Variants in DDN observed in about 807,000 individuals in gnomAD.
DDN encodes the protein dendrin.
Under a neutral mutation model 7.3 loss-of-function variants are expected in DDN, and 4 were observed. The ratio of observed to expected loss-of-function variants is 0.55; its 90% CI spans 0.27 to 1.25. The LOEUF (loss-of-function observed/expected upper bound fraction) is 1.25, where lower values mean the gene tolerates loss of function less well. DDN is among the 50% of genes most tolerant of loss of function. The pLI, the probability that DDN is intolerant of heterozygous loss-of-function variation, is 0.12. For synonymous variants in DDN, 425 were observed against 424.3 expected (o/e 1.00, Z -0.02); for missense variants, 933 against 974.7 (o/e 0.96, Z 0.57).
chr12:48,997,173 G>T lies in DDN; in HGVS notation c.1703C>A (p.Pro568Gln). 6.4e-7 allele frequency: 1 copy of T among 1,560,518 alleles called. No homozygotes were observed. Residue 568 changes from proline (P) to glutamine (Q), a missense_variant, in exon 2 of 2, where the codon CCA becomes CAA. Pro to Gln is a moderately conservative substitution (Grantham distance 76, BLOSUM62 -1). Transcript: ENST00000421952. ...LRDAPTQPGS[P>Q]EHQALGPAAS... The stretch of plus-strand genomic sequence containing the variant: ...TGCTGGGCCTAAGGCTTGGTGCTCT[G>T]GGCTACCTGGCTGCGTGGGGGCGTC...
In DDN at chr12:48,995,626, C is replaced by G. The variant is rs1488683877; in HGVS notation, c.*1114G>C. The G allele has an allele frequency of 6.6e-6, 1 of 152,268 alleles. No homozygotes were observed. The highest frequency in any genetic ancestry group is 1.9e-4 in the East Asian group (1 of 5,202). The allele number at this position is 152,268 out of a possible 1,614,324, so 9.4% of individuals were successfully genotyped here. On this transcript the variant is annotated 3_prime_UTR_variant, in exon 2 of 2. Coordinates refer to ENST00000421952, the MANE Select transcript of DDN (RefSeq NM_015086.2). ...TGGCTATAGAGAGTATCACACCCCA[C>G]GCCTGCTGGCTTCTGGTGACCGGCC...
Position 48,999,128 on chromosome 12 carries a change from G to A in DDN, c.160C>T (p.Pro54Ser). ...CAGTGGCTGGCCTGGAAGTCCATGG[G>A]CTGTCGAGAAGGGGCGCGGCGACTA... ...HYSRRAPSRQ[P>S]MDFQASHWAR... is the part of the protein sequence containing the mutation. Residue 54 changes from proline (P) to serine (S), a missense_variant, in exon 1 of 2, where the codon CCC (proline) becomes TCC (serine). Coordinates refer to ENST00000421952, the MANE Select transcript of DDN (RefSeq NM_015086.2). The A allele has an allele frequency of 6.2e-7, 1 of 1,614,136 alleles. No homozygotes were observed. Among genetic ancestry groups the A allele is most frequent in the South Asian group, 1.1e-5 (1 of 91,088 alleles).
rs2137638345 is a variant in DDN at position 48,995,692 on chromosome 12, G to C, written c.*1048C>G. The C allele has an allele frequency of 1.3e-5, 2 of 152,468 alleles. No individual in the cohort carries two copies. Among genetic ancestry groups the C allele is most frequent in the South Asian group, 4.1e-4 (2 of 4,828 alleles). The allele number at this position is 152,468 out of a possible 1,614,324, so 9.4% of individuals were successfully genotyped here. A position where few individuals can be genotyped will look rare whatever the true frequency, so the allele number is the denominator to read the frequency against. On this transcript the variant is annotated 3_prime_UTR_variant, in exon 2 of 2. Coordinates refer to ENST00000421952, the MANE Select transcript of DDN (RefSeq NM_015086.2). ...CCGGTTTCTGGAAGAGGCCAAGATG[G>C]GAGAAATTCTCAGGATTTTTTCAGG... is the stretch of plus-strand genomic sequence containing the variant.
Position 48,999,333 on chromosome 12 carries a change from G to T in DDN, c.-46C>A. The T allele has an allele frequency of 8.7e-7, 1 of 1,145,004 alleles. No individual in the cohort carries two copies. 70.9% of individuals were successfully genotyped at this position (1,145,004 alleles called of 1,614,324 possible). On this transcript the variant is annotated 5_prime_UTR_variant, in exon 1 of 2. Transcript: ENST00000421952. ...CCCCCCACCCTCCCACCCGCCCCAG[G>T]AGCCCCCTCCCAGCCCAGGGAGCCG...
chr12:48,998,085 G>C lies in DDN; in HGVS notation c.791C>G (p.Thr264Arg). The change falls in exon 2 of 2, where the codon ACA becomes AGA. Residue 264 changes from threonine to arginine, a missense_variant. Coordinates refer to ENST00000421952, the MANE Select transcript of DDN (RefSeq NM_015086.2). ...SSAPAATPARTDGGRTKKRLD... is the reference protein window; with the variant it reads ...SSAPAATPARRDGGRTKKRLD... ...CCTCTTCTTTGTGCGCCCTCCGTCT[G>C]TCCTGGCTGGAGTCGCAGCTGGGGC... 6.2e-7 allele frequency: 1 copy of C among 1,614,014 alleles called. No homozygotes were observed. The highest frequency in any genetic ancestry group is 1.6e-4 in the Middle Eastern group (1 of 6,062).
rs142247356 is a variant in DDN at position 48,997,855 on chromosome 12, C to T, written c.1021G>A (p.Ala341Thr). ...CCCGCAGGAGCTATCTCGGTGCCTGCGCTCCCTGTAGCTTTGGCTTGGGGA... is the reference window on the plus strand; with the variant it reads ...CCCGCAGGAGCTATCTCGGTGCCTGTGCTCCCTGTAGCTTTGGCTTGGGGA... ...SHPQAKATGSAGTEIAPAGSA... is the reference protein window; with the variant it reads ...SHPQAKATGSTGTEIAPAGSA... Residue 341 changes from alanine to threonine, a missense_variant, in exon 2 of 2, where the codon GCA becomes ACA. By Grantham distance (58) the Ala-to-Thr change is moderately conservative. Coordinates refer to ENST00000421952, the MANE Select transcript of DDN (RefSeq NM_015086.2). 196 of 1,613,506 alleles carry T rather than the reference C, an allele frequency of 1.2e-4. No individual in the cohort carries two copies. The African/African-American group carries it at 2.5e-3, about 20-fold the overall frequency.
Position 48,996,410 on chromosome 12 carries a change from C to T in DDN, c.*330G>A, listed in dbSNP as rs1941204345. ...CAGAGGCCCTACCCTACCCTGCCCT[C>T]CTATGGCTGCCACCATCCCTGCCCT... is the stretch of plus-strand genomic sequence containing the variant. On this transcript the variant is annotated 3_prime_UTR_variant, in exon 2 of 2. Coordinates refer to ENST00000421952, the MANE Select transcript of DDN (RefSeq NM_015086.2). The T allele has an allele frequency of 7.6e-6, 2 of 262,018 alleles. No individual in the cohort carries two copies. Among genetic ancestry groups the T allele is most frequent in the Non-Finnish European group, 1.5e-5 (2 of 136,760 alleles). The allele number at this position is 262,018 out of a possible 1,614,324, so 16.2% of individuals were successfully genotyped here. A position where few individuals can be genotyped will look rare whatever the true frequency, so the allele number is the denominator to read the frequency against.
Position 48,998,251 on chromosome 12 carries a change from G to C in DDN, c.625C>G (p.Leu209Val). Residue 209 changes from leucine to valine, a missense_variant, in exon 2 of 2, where the codon CTG becomes GTG. Physicochemically the swap from Leu to Val is conservative, Grantham distance 32. Coordinates refer to ENST00000421952, the MANE Select transcript of DDN (RefSeq NM_015086.2). ...GGGGCGGTCCCGGCAGAACCTCTCA[G>C]CAGCAGGTGAGCCTCGTAGCTTGGG... Reference protein sequence around the residue: ...GPPSYEAHLLLRGSAGTAPRR... With the variant: ...GPPSYEAHLLVRGSAGTAPRR... 3 of 1,611,574 alleles carry C rather than the reference G, an allele frequency of 1.9e-6. No homozygotes were observed. Among genetic ancestry groups the C allele is most frequent in the Non-Finnish European group, 2.5e-6 (3 of 1,179,368 alleles).
chr12:48,996,734 G>A lies in DDN; in HGVS notation c.*6C>T, dbSNP rs373407933. On this transcript the variant is annotated 3_prime_UTR_variant, in exon 2 of 2. Coordinates refer to ENST00000421952, the MANE Select transcript of DDN (RefSeq NM_015086.2). ...CGTTGGGGACACAAATACAAGAAGG[G>A]GCCTCTCACTGCCTCTTCCTATTTC... 20 of 1,609,958 alleles carry A rather than the reference G, an allele frequency of 1.2e-5. No individual in the cohort carries two copies. In the African/African-American group the frequency reaches 2.7e-4, roughly 22 times the overall value.
chr12:48,997,999 G>A lies in DDN; in HGVS notation c.877C>T (p.Leu293Phe). The A allele has an allele frequency of 1.2e-6, 2 of 1,613,496 alleles. No homozygotes were observed. The change falls in exon 2 of 2, where the codon CTC (leucine) becomes TTC (phenylalanine). Residue 293 changes from leucine to phenylalanine, a missense_variant. Coordinates refer to ENST00000421952, the MANE Select transcript of DDN (RefSeq NM_015086.2). The part of the protein sequence containing the change: ...GAWGLRQGQG[L>F]LGGSPGCGAA... Reference sequence around the variant, plus strand: ...CCACAGCCTGGGGATCCCCCCAAGAGACCTTGCCCCTGTCGGAGACCCCAA... The same window carrying A: ...CCACAGCCTGGGGATCCCCCCAAGAAACCTTGCCCCTGTCGGAGACCCCAA...
Position 48,997,541 on chromosome 12 carries a change from G to T in DDN, c.1335C>A (p.Gly445=). Residue 445 remains glycine (G), a synonymous_variant, in exon 2 of 2, where the codon GGC becomes GGA. Transcript: ENST00000421952. ...RAHTLPRSSQ[G]LSRGEGVFVI... ...CAAAGACGCCTTCCCCACGGGACAG[G>T]CCCTGGGAACTGCGGGGCAAGGTGT... The T allele has an allele frequency of 6.2e-7, 1 of 1,605,092 alleles. No individual in the cohort carries two copies. The highest frequency in any genetic ancestry group is 8.5e-7 in the Non-Finnish European group (1 of 1,173,760).
In DDN at chr12:48,998,314, C is replaced by T; in HGVS notation, c.562G>A (p.Ala188Thr). The T allele has an allele frequency of 6.3e-7, 1 of 1,576,704 alleles. No homozygotes were observed. The change falls in exon 2 of 2, where the codon GCG (alanine) becomes ACG (threonine). Residue 188 changes from alanine (A) to threonine (T), a missense_variant. By Grantham distance (58) the Ala-to-Thr change is moderately conservative (BLOSUM62 0). Coordinates refer to ENST00000421952, the MANE Select transcript of DDN (RefSeq NM_015086.2). Reference protein sequence around the residue: ...SAQPQSDPGSAWAGPWGGRRP... With the variant: ...SAQPQSDPGSTWAGPWGGRRP... ...CGACCTCCCCAGGGCCCCGCCCACG[C>T]CGACCCTGGGTCGCTCTGCGGCTGC...
rs765299359 is a variant in DDN at position 48,997,427 on chromosome 12, T to A, written c.1449A>T (p.Thr483=). The change falls in exon 2 of 2, where the codon ACA becomes ACT. Residue 483 remains threonine (T), a synonymous_variant. Transcript: ENST00000421952. The part of the protein sequence containing the change: ...QQVQLLPSGV[T]RVVGDSPSQS... Reference sequence around the variant, plus strand: ...GGCTGGGGGAATCCCCCACCACGCGTGTCACCCCAGAGGGCAAAAGCTGCA... The same window carrying A: ...GGCTGGGGGAATCCCCCACCACGCGAGTCACCCCAGAGGGCAAAAGCTGCA... 1.2e-6 allele frequency: 2 copies of A among 1,613,922 alleles called. No homozygotes were observed. Among genetic ancestry groups the A allele is most frequent in the Non-Finnish European group, 1.7e-6 (2 of 1,179,978 alleles).
chr12:48,998,122 G>A lies in DDN; in HGVS notation c.754C>T (p.Pro252Ser). Residue 252 changes from proline to serine, a missense_variant, in exon 2 of 2, where the codon CCC (proline) becomes TCC (serine). Coordinates refer to ENST00000421952, the MANE Select transcript of DDN (RefSeq NM_015086.2). ...GTCGCAGCTGGGGCTGATGAAGTGG[G>A]CACCTGAGAGTTCCCGGGGCCTCTC... is the stretch of plus-strand genomic sequence containing the variant. ...TKRGPGNSQV[P>S]TSSAPAATPA... 1 of 1,613,786 alleles carries A rather than the reference G, an allele frequency of 6.2e-7. No homozygotes were observed. The highest frequency in any genetic ancestry group is 8.5e-7 in the Non-Finnish European group (1 of 1,180,034).
In DDN at chr12:48,998,551, C is replaced by T. The variant is rs760587728; in HGVS notation, c.325G>A (p.Glu109Lys). Residue 109 changes from glutamate to lysine, a missense_variant, in exon 2 of 2, where the codon GAG (glutamate) becomes AAG (lysine). Transcript: ENST00000421952. Reference sequence around the variant, plus strand: ...GACGCCGCTTTCCTTTTCTCTTGCTCCCGAGCTCGGACCTCGGCCAGGGGC... The same window carrying T: ...GACGCCGCTTTCCTTTTCTCTTGCTTCCGAGCTCGGACCTCGGCCAGGGGC... ...AGPLAEVRAR[E>K]QEKRKAASQE... The T allele has an allele frequency of 1.3e-6, 2 of 1,594,112 alleles. No individual in the cohort carries two copies. The highest frequency in any genetic ancestry group is 2.2e-5 in the South Asian group (2 of 90,360).
In DDN at chr12:48,998,055, T is replaced by A; in HGVS notation, c.821A>T (p.Asp274Val). 1 of 1,613,860 alleles carries A rather than the reference T, an allele frequency of 6.2e-7. No homozygotes were observed. The highest frequency in any genetic ancestry group is 1.1e-5 in the South Asian group (1 of 91,080). The change falls in exon 2 of 2, where the codon GAT becomes GTT. Residue 274 changes from aspartate (D) to valine (V), a missense_variant. Asp to Val is a radical substitution (Grantham distance 152). Coordinates refer to ENST00000421952, the MANE Select transcript of DDN (RefSeq NM_015086.2). ...GAGGACGTCCCGGTAGATCCGAGGA[T>A]CCAGCCTCTTCTTTGTGCGCCCTCC... ...TDGGRTKKRL[D>V]PRIYRDVLGA... is the part of the protein sequence containing the mutation.
At position 48,998,556 on chromosome 12, in the gene DDN, G is replaced by C; in HGVS notation, c.320C>G (p.Ala107Gly). 1 of 1,593,692 alleles carries C rather than the reference G, an allele frequency of 6.3e-7. No homozygotes were observed. The highest frequency in any genetic ancestry group is 1.1e-5 in the South Asian group (1 of 90,330). Residue 107 changes from alanine (A) to glycine (G), a missense_variant, in exon 2 of 2, where the codon GCT (alanine) becomes GGT (glycine). Transcript: ENST00000421952. Reference protein sequence around the residue: ...WRAGPLAEVRAREQEKRKAAS... With the variant: ...WRAGPLAEVRGREQEKRKAAS... ...CGCTTTCCTTTTCTCTTGCTCCCGA[G>C]CTCGGACCTCGGCCAGGGGCCCCGC... is the stretch of plus-strand genomic sequence containing the variant.
In DDN at chr12:48,998,055, T is replaced by C. The variant is rs1592264544; in HGVS notation, c.821A>G (p.Asp274Gly). The C allele has an allele frequency of 6.2e-7, 1 of 1,613,860 alleles. No individual in the cohort carries two copies. Among genetic ancestry groups the C allele is most frequent in the Non-Finnish European group, 8.5e-7 (1 of 1,180,026 alleles). Residue 274 changes from aspartate to glycine, a missense_variant, in exon 2 of 2, where the codon GAT (aspartate) becomes GGT (glycine). Asp to Gly is a moderately conservative substitution (Grantham distance 94, BLOSUM62 -1). Transcript: ENST00000421952. Reference protein sequence around the residue: ...TDGGRTKKRLDPRIYRDVLGA... With the variant: ...TDGGRTKKRLGPRIYRDVLGA... ...GAGGACGTCCCGGTAGATCCGAGGA[T>C]CCAGCCTCTTCTTTGTGCGCCCTCC... is the stretch of plus-strand genomic sequence containing the variant.
rs752998382 is a variant in DDN, at chr12:48,997,084, G to A, written c.1792C>T (p.Arg598Trp). 1.0e-4 allele frequency: 159 copies of A among 1,523,342 alleles called. No homozygotes were observed. The highest frequency in any genetic ancestry group is 1.3e-4 in the Non-Finnish European group (149 of 1,143,944). 94.4% of individuals were successfully genotyped at this position (1,523,342 alleles called of 1,614,324 possible). ...GGCCCTGGGGTCCGCGCCCAGCCCC[G>A]GCCGGCGCGCCGCTGGACCACCGCC... The part of the protein sequence containing the change: ...EVAVVQRRAG[R>W]GWARTPGPYA... Residue 598 changes from arginine (R) to tryptophan (W), a missense_variant, in exon 2 of 2, where the codon CGG becomes TGG. Physicochemically the swap from Arg to Trp is moderately radical, Grantham distance 101 (BLOSUM62 -3). Transcript: ENST00000421952.
Sources: gnomAD v4.1 joint callset for allele counts on GRCh38, gnomAD v4.1.1 for gene constraint, MANE v1.5 for transcripts, NCBI Gene and HGNC (gene_info 2026-07-23, HGNC 2026-07-21) for gene names.